TBC1D4: variants seen among roughly 807,000 people sequenced by gnomAD.
TBC1D4 encodes TBC1 domain family member 4, also known as TBC (Tre-2, BUB2, CDC16) domain-containing protein.
TBC1D4 carries 121 observed loss-of-function variants against 142.5 expected under a neutral mutation model. That is an observed-to-expected ratio of 0.85 (90% CI 0.73 to 0.99). The LOEUF is 0.99. Among genes scored for constraint, TBC1D4 ranks in the 50% least tolerant of loss-of-function variants. The probability of loss-of-function intolerance (pLI) is 0.00; values close to 1 mark genes in which losing one functional copy is unlikely to be tolerated. For synonymous variants in TBC1D4, 630 were observed against 628.2 expected, an observed-to-expected ratio of 1.00 and a Z score of -0.04; for missense variants, 1,475 against 1,606.6, an observed-to-expected ratio of 0.92 and a Z score of 1.40.
intron 4 of TBC1D4, among the ~76,000 whole-genome samples, chr13:75,354,131 CAT>C (rs1341495287): frequency 6.6e-6 from 1 of 152,150 alleles, no homozygotes; most frequent in Non-Finnish European, 1.5e-5. Context: ...AGACGAACGA[CAT>C]ATGTGAAGAA....
chr13:75,311,388 C>G (rs1431824), intron 13 of TBC1D4, among the ~76,000 whole-genome samples: 47,880 of 152,052 alleles, frequency 0.31, 8,695 homozygotes, highest in Non-Finnish European at 0.41. Context: ...TTAACTTCAT[C>G]TTTAGTAATA....
At chr13:75,452,100 T>A (rs1165226456) in intron 1 of TBC1D4, among the ~76,000 whole-genome samples, 1 of 151,066 alleles carries the variant, frequency 6.6e-6, no homozygotes, top group Non-Finnish European at 1.5e-5. Flanking sequence ...AAGTTTTGAC[T>A]TTTTTTTTGG....
rs772139651 is a variant in TBC1D4, at chr13:75,341,116, T to G, written c.1611+9A>C. On this transcript the variant is annotated intron_variant, in intron 7 of 20. Transcript: ENST00000377636. The stretch of plus-strand genomic sequence containing the variant: ...ACAAAAGTAGGTGAAGTAGGAAATA[T>G]CTTCTCACAGAAGGGCCTTCCCCGA... The G allele has an allele frequency of 6.3e-7, 1 of 1,575,610 alleles. No homozygotes were observed. The highest frequency in any genetic ancestry group is 8.7e-7 in the Non-Finnish European group (1 of 1,151,676).
chr13:75,343,409 T>C (rs771441640), intron 5 of TBC1D4, among the ~76,000 whole-genome samples: 2 of 152,188 alleles, frequency 1.3e-5, no homozygotes, highest in South Asian at 2.1e-4. Flanking sequence ...CCACATTTCT[T>C]TGTGCAATGT....
chr13:75,349,421 G>A (rs2138115690), intron 4 of TBC1D4, 119 bp from the exon 5 acceptor site: 1 of 1,347,432 alleles, frequency 7.4e-7, no homozygotes, highest in East Asian at 2.4e-5. Context: ...GAATTTTGAT[G>A]ACTAGAGAGT....
intron 1 of TBC1D4, among the ~76,000 whole-genome samples, chr13:75,477,471 T>C (rs1427828697): frequency 1.3e-5 from 2 of 152,154 alleles, no homozygotes; most frequent in African/African-American, 4.8e-5. Flanking sequence ...CAATAAACAT[T>C]ATAACAATCA....
At chr13:75,434,976 T>G (rs911873472) in intron 1 of TBC1D4, among the ~76,000 whole-genome samples, 4 of 149,832 alleles carry the variant, frequency 2.7e-5, no homozygotes. Flanking sequence ...GGCAAAACCC[T>G]GTCTCTGCTA....
rs1436412982 is a variant in TBC1D4 at position 75,299,330 on chromosome 13, C to G, written c.3156G>C (p.Gln1052His). 1.2e-6 allele frequency: 2 copies of G among 1,614,070 alleles called. No individual in the cohort carries two copies. Among genetic ancestry groups the G allele is most frequent in the Non-Finnish European group, 1.7e-6 (2 of 1,180,014 alleles). The change falls in exon 17 of 21, where the codon CAG becomes CAC. Residue 1052 changes from glutamine (Q) to histidine (H), a missense_variant and splice_region_variant. Gln to His is a conservative substitution (Grantham distance 24). Transcript: ENST00000377636. ...TCCTCGGGAAGCACAAGTGCCTCAC[C>G]TGCAGCGACATCATGTCAGGTCTGT... ...KQYRPDMMSL[Q>H]IQMYQLSRLL... is the part of the protein sequence containing the mutation.
At chr13:75,354,979 T>A (rs900307102) in intron 4 of TBC1D4, among the ~76,000 whole-genome samples, 1 of 152,140 alleles carries the variant, frequency 6.6e-6, no homozygotes. Flanking sequence ...AAAACTCAAA[T>A]GGAACCCTCT....
chr13:75,386,178 T>C (rs1302571566), intron 1 of TBC1D4, among the ~76,000 whole-genome samples: 1 of 152,156 alleles, frequency 6.6e-6, no homozygotes, highest in African/African-American at 2.4e-5. Context: ...CTTAAACATA[T>C]AAATGCCAAC....
intron 7 of TBC1D4, among the ~76,000 whole-genome samples, chr13:75,337,370 C>T (rs1212460870): frequency 3.3e-5 from 5 of 152,140 alleles, no homozygotes; most frequent in African/African-American, 1.2e-4. Context: ...TATAACCATC[C>T]CTTTCCAAGA....
chr13:75,395,656 C>A (rs1156504496), intron 1 of TBC1D4, among the ~76,000 whole-genome samples: 2 of 152,018 alleles, frequency 1.3e-5, no homozygotes, highest in Non-Finnish European at 2.9e-5. Context: ...CATGGAGAAA[C>A]CCTATCTCTA....
At chr13:75,443,015 T>C (rs946785839) in intron 1 of TBC1D4, among the ~76,000 whole-genome samples, 7 of 152,204 alleles carry the variant, frequency 4.6e-5, no homozygotes, top group African/African-American at 1.7e-4. Context: ...TTATGAAGTT[T>C]ATTGTAGCTC....
At chr13:75,412,464 A>AT (rs946440510) in intron 1 of TBC1D4, among the ~76,000 whole-genome samples, 36 of 151,652 alleles carry the variant, frequency 2.4e-4, no homozygotes, top group African/African-American at 8.2e-4. Context: ...ACACACGGTT[A>AT]TTTTTTTTAT....
intron 14 of TBC1D4, among the ~76,000 whole-genome samples, chr13:75,307,545 A>G (rs1030573781): frequency 6.6e-6 from 1 of 152,216 alleles, no homozygotes; most frequent in Non-Finnish European, 1.5e-5. Flanking sequence ...ATCTGTATTC[A>G]TGCATGCTCA....
intron 4 of TBC1D4, among the ~76,000 whole-genome samples, chr13:75,355,359 G>A (rs139123736): frequency 3.6e-4 from 55 of 152,294 alleles, no homozygotes; most frequent in African/African-American, 1.3e-3. Flanking sequence ...TGGCATAGGT[G>A]CAAGAATGAG....
At chr13:75,326,015 T>C (rs1234787178) in intron 10 of TBC1D4, among the ~76,000 whole-genome samples, 182 bp downstream of exon 10, 2 of 152,218 alleles carry the variant, frequency 1.3e-5, no homozygotes, top group African/African-American at 4.8e-5. Context: ...ACTCTTCTTT[T>C]TGTGTATGCC....
At chr13:75,388,221 G>A (rs564333485) in intron 1 of TBC1D4, among the ~76,000 whole-genome samples, 108 of 152,182 alleles carry the variant, frequency 7.1e-4, no homozygotes, top group African/African-American at 2.5e-3. Context: ...TCTGCATCTC[G>A]AGGTCCTTAA....
chr13:75,413,610 C>A (rs1051803496), intron 1 of TBC1D4, among the ~76,000 whole-genome samples: 1 of 152,130 alleles, frequency 6.6e-6, no homozygotes, highest in Non-Finnish European at 1.5e-5. Flanking sequence ...TTGGATACCC[C>A]TGATAAACCT....
Sources: allele counts gnomAD v4.1 joint callset (sites outside exome capture counted in the v4.1 genomes callset), GRCh38; gene constraint gnomAD v4.1.1; transcripts MANE v1.5; gene names NCBI Gene and HGNC (gene_info 2026-07-23, HGNC 2026-07-21).